AKAP8: variants seen among roughly 807,000 people sequenced by gnomAD.
The protein encoded by AKAP8 is A-kinase anchor protein 8.
AKAP8 carries 24 observed loss-of-function variants against 67.5 expected under a neutral mutation model. That is an observed-to-expected ratio of 0.36 (90% CI 0.26 to 0.50). The LOEUF (loss-of-function observed/expected upper bound fraction) is 0.50, where lower values mean the gene tolerates loss of function less well. AKAP8 is among the 20% of genes least tolerant of loss of function. The pLI is 0.97. For missense variants in AKAP8, 971 were observed against 955.9 expected, an observed-to-expected ratio of 1.02 and a Z score of -0.21; for synonymous variants, 400 against 371.1, an observed-to-expected ratio of 1.08 and a Z score of -0.90.
intron 1 of AKAP8, among the ~76,000 whole-genome samples, chr19:15,377,424 G>A (rs192942521): frequency 6.6e-6 from 1 of 152,320 alleles, no homozygotes; most frequent in African/African-American, 2.4e-5. Context: ...AAACAAGCAT[G>A]GGAATTTAGT....
chr19:15,357,996 T>A (rs543335941), intron 13 of AKAP8, among the ~76,000 whole-genome samples: 1 of 152,226 alleles, frequency 6.6e-6, no homozygotes, highest in Admixed American at 6.5e-5. Flanking sequence ...TCATGTTTCT[T>A]CAATTGGTTA....
rs1215596143 is a variant in AKAP8 at position 15,364,860 on chromosome 19, C to T, written c.1161-2609G>A. On this transcript the variant is annotated intron_variant, in intron 9 of 13. Transcript: ENST00000269701. ...TCTCAAACTCCTGGGCTCAAGCGAT[C>T]CTCCCACCTCAGCCTCCCAAGTAGC... is the stretch of plus-strand genomic sequence containing the variant. Among the ~76,000 whole-genome samples, 6 of 151,412 alleles carry T rather than the reference C, an allele frequency of 4.0e-5. 1 individual carries two copies. The East Asian group carries it at 1.2e-3, about 30-fold the overall frequency.
At chr19:15,371,188 C>G (rs1413289791) in intron 7 of AKAP8, among the ~76,000 whole-genome samples, 1 of 152,168 alleles carries the variant, frequency 6.6e-6, no homozygotes, top group East Asian at 1.9e-4. Flanking sequence ...CACTCTGGAC[C>G]TCCAGGCCCT....
intron 13 of AKAP8, among the ~76,000 whole-genome samples, chr19:15,358,307 A>G (rs890788527): frequency 9.9e-5 from 15 of 151,610 alleles, no homozygotes; most frequent in East Asian, 1.9e-4. Flanking sequence ...GGCTCTATCA[A>G]TGAAATCTCT....
chr19:15,377,919 G>A (rs1967281923), intron 1 of AKAP8, among the ~76,000 whole-genome samples: 2 of 152,156 alleles, frequency 1.3e-5, no homozygotes, highest in Non-Finnish European at 2.9e-5. Flanking sequence ...AGGAGAATGG[G>A]AACTGTGTTC....
In AKAP8 at chr19:15,360,702, C is replaced by T. The variant is rs566725999; in HGVS notation, c.1527+146G>A. 1.5e-5 allele frequency: 15 copies of T among 1,025,052 alleles called. No homozygotes were observed. In the African/African-American group the frequency reaches 1.5e-4, roughly 10 times the overall value. 63.5% of individuals were successfully genotyped at this position (1,025,052 alleles called of 1,614,324 possible). ...TCTCACATTTTTATAAAAATTGAGA[C>T]GAATCTTACGACCCATCGATGGAAG... On this transcript the variant is annotated intron_variant, in intron 12 of 13. Transcript: ENST00000269701.
In AKAP8 at chr19:15,369,109, G is replaced by A. The variant is rs1448432212; in HGVS notation, c.1073-787C>T. Reference sequence around the variant, plus strand: ...AGACTGTCCCACGAAGATGGCGACCGGCGTGCGCTGCTCAGAAGCCTCTCA... The same window carrying A: ...AGACTGTCCCACGAAGATGGCGACCAGCGTGCGCTGCTCAGAAGCCTCTCA... On this transcript the variant is annotated intron_variant, in intron 8 of 13. Coordinates refer to ENST00000269701, the MANE Select transcript of AKAP8 (RefSeq NM_005858.4). This position sits in a 1 kb window ranked among gnomAD's most constrained non-coding sequence, Gnocchi z 4.6. 1.3e-5 allele frequency: 13 copies of A among 985,450 alleles called. No homozygotes were observed. Among genetic ancestry groups the A allele is most frequent in the South Asian group, 4.7e-5 (1 of 21,286 alleles). 61.0% of individuals were successfully genotyped at this position (985,450 alleles called of 1,614,324 possible). A position where few individuals can be genotyped will look rare whatever the true frequency, so the allele number is the denominator to read the frequency against.
intron 4 of AKAP8, 123 bp downstream of exon 4, chr19:15,373,663 C>T (rs996390538): frequency 1.4e-5 from 18 of 1,255,886 alleles, no homozygotes; most frequent in African/African-American, 1.1e-4. Context: ...GAGCCCAACT[C>T]GTCAATGCCA....
At chr19:15,376,414 C>G (rs760188565) in intron 2 of AKAP8, among the ~76,000 whole-genome samples, 1 of 151,698 alleles carries the variant, frequency 6.6e-6, no homozygotes, top group Non-Finnish European at 1.5e-5. Flanking sequence ...ACTCGGGAGG[C>G]TGCGGCTGCA....
At position 15,369,329 on chromosome 19, in the gene AKAP8, C is replaced by T. The variant is rs1267186420; in HGVS notation, c.1072+817G>A. The T allele has an allele frequency of 1.3e-5, 12 of 925,078 alleles. No homozygotes were observed. Among genetic ancestry groups the T allele is most frequent in the Non-Finnish European group, 1.4e-5 (11 of 775,052 alleles). 57.3% of individuals were successfully genotyped at this position (925,078 alleles called of 1,614,324 possible). A position where few individuals can be genotyped will look rare whatever the true frequency, so the allele number is the denominator to read the frequency against. ...TGCTGCGGGTCGCGGGGGGGAGGAC[C>T]GCAGAGGGCTGGCAAAGCCTGAACA... On this transcript the variant is annotated intron_variant, in intron 8 of 13. Coordinates refer to ENST00000269701, the MANE Select transcript of AKAP8 (RefSeq NM_005858.4). The surrounding 1 kb of genome is among the most constrained non-coding windows in gnomAD (Gnocchi z 4.6).
At chr19:15,376,711 G>A (rs951645567) in intron 2 of AKAP8, among the ~76,000 whole-genome samples, 1 of 152,106 alleles carries the variant, frequency 6.6e-6, no homozygotes, top group African/African-American at 2.4e-5. Flanking sequence ...TCACTAACAC[G>A]CAAAAATTAG....
In AKAP8 at chr19:15,354,984, G is replaced by A. The variant is rs770394900; in HGVS notation, c.2010C>T (p.Ala670=). 3.1e-6 allele frequency: 5 copies of A among 1,614,138 alleles called. No homozygotes were observed. Among genetic ancestry groups the A allele is most frequent in the Non-Finnish European group, 3.4e-6 (4 of 1,180,044 alleles). ...AESAQTRVAP[A]PAAADAEVEQ... ...CCACTTCAGCATCCGCGGCAGCTGG[G>A]GCAGGAGCAACTCTGGTTTGGGCAC... The change falls in exon 14 of 14, where the codon GCC becomes GCT. Residue 670 remains alanine (A), a synonymous_variant. Coordinates refer to ENST00000269701, the MANE Select transcript of AKAP8 (RefSeq NM_005858.4).
chr19:15,373,818 G>A lies in AKAP8; in HGVS notation c.339C>T (p.Gly113=). 2 of 1,611,264 alleles carry A rather than the reference G, an allele frequency of 1.2e-6. No individual in the cohort carries two copies. Among genetic ancestry groups the A allele is most frequent in the East Asian group, 2.2e-5 (1 of 44,852 alleles). ...MSKEGGRGGS[G]GGGEGIQDRE... is the part of the protein sequence containing the mutation. Reference sequence around the variant, plus strand: ...GGTCCTGTATGCCCTCCCCACCGCCGCCGCTCCCGCCCCTGCCTCCTTCCT... The same window carrying A: ...GGTCCTGTATGCCCTCCCCACCGCCACCGCTCCCGCCCCTGCCTCCTTCCT... The change falls in exon 4 of 14, where the codon GGC becomes GGT. Residue 113 remains glycine, a synonymous_variant. Coordinates refer to ENST00000269701, the MANE Select transcript of AKAP8 (RefSeq NM_005858.4).
At chr19:15,361,944 G>T in intron 10 of AKAP8, 122 bp from the exon 11 acceptor site, 1 of 1,342,602 alleles carries the variant, frequency 7.4e-7, no homozygotes, top group Non-Finnish European at 1.0e-6. Flanking sequence ...CAGCACGATG[G>T]CTGGAGCTCC....
chr19:15,368,488 G>C (rs1967104607), intron 8 of AKAP8, 166 bp from the exon 9 acceptor site: 1 of 985,162 alleles, frequency 1.0e-6, no homozygotes, highest in Non-Finnish European at 1.2e-6. Context: ...AGAGACTCCT[G>C]GTGGACACGG....
intron 12 of AKAP8, among the ~76,000 whole-genome samples, chr19:15,360,310 G>A (rs2145062970): frequency 6.6e-6 from 1 of 152,338 alleles, no homozygotes; most frequent in Middle Eastern, 3.4e-3. Flanking sequence ...AGCAAACGCA[G>A]CCACAGGCAC....
Position 15,373,827 on chromosome 19 carries a change from G to A in AKAP8, c.330C>T (p.Gly110=), listed in dbSNP as rs375090323. ...LDMMSKEGGR[G]GSGGGGEGIQ... ...TGCCCTCCCCACCGCCGCCGCTCCC[G>A]CCCCTGCCTCCTTCCTTGGACATCA... Residue 110 remains glycine, a synonymous_variant, in exon 4 of 14, where the codon GGC becomes GGT. Transcript: ENST00000269701. 266 of 1,611,672 alleles carry A rather than the reference G, an allele frequency of 1.7e-4. No individual in the cohort carries two copies. In the Middle Eastern group the frequency reaches 1.7e-3, roughly 10 times the overall value.
chr19:15,363,167 A>G (rs1268223485), intron 9 of AKAP8, among the ~76,000 whole-genome samples: 4 of 138,404 alleles, frequency 2.9e-5, no homozygotes, highest in Non-Finnish European at 6.2e-5. Flanking sequence ...CCCAGCAGCC[A>G]CCCCGTCTGG....
chr19:15,378,193 C>G (rs1219903062), intron 1 of AKAP8, among the ~76,000 whole-genome samples: 2 of 152,170 alleles, frequency 1.3e-5, no homozygotes, highest in East Asian at 3.8e-4. Flanking sequence ...CTGAGTTTTG[C>G]CCTCTGCTAT....
Sources: gnomAD v4.1 joint callset for allele counts (sites outside exome capture counted in the v4.1 genomes callset) on GRCh38, gnomAD v4.1.1 for gene constraint, Gnocchi (gnomAD v3.1) non-coding constraint, MANE v1.5 for transcripts, NCBI Gene and HGNC (gene_info 2026-07-23, HGNC 2026-07-21) for gene names.